The following MTURN variants were observed in gnomAD, a reference collection of about 807,000 sequenced individuals.
MTURN encodes the protein maturin.
Under a neutral mutation model 14.9 loss-of-function variants are expected in MTURN, and 7 were observed. The observed-to-expected ratio is 0.47, with a 90% confidence interval of 0.27 to 0.88. The LOEUF (loss-of-function observed/expected upper bound fraction) is 0.88. Among genes scored for constraint, MTURN ranks in the 40% least tolerant of loss-of-function variants. The pLI is 0.14. For synonymous variants in MTURN, 69 were observed against 72.5 expected (o/e 0.95, Z 0.25); for missense variants, 151 against 174.1 (o/e 0.87, Z 0.75).
intron 1 of MTURN, among the ~76,000 whole-genome samples, chr7:30,138,317 G>A (rs554636992): frequency 1.1e-4 from 17 of 152,082 alleles, no homozygotes; most frequent in South Asian, 6.2e-4. Context: ...GTTTTGTTAC[G>A]TTACTTAGGC....
At chr7:30,146,360 A>T in intron 2 of MTURN, 61 bp downstream of exon 2, 1 of 1,600,726 alleles carries the variant, frequency 6.2e-7, no homozygotes, top group Non-Finnish European at 8.5e-7. Flanking sequence ...GTTTAGAATA[A>T]CAGGGGCGGT....
chr7:30,156,449 G>C (rs955385956), intron 2 of MTURN, among the ~76,000 whole-genome samples: 1 of 152,100 alleles, frequency 6.6e-6, no homozygotes, highest in Admixed American at 6.5e-5. Context: ...AGGATTGCTT[G>C]AGTCCAGGTG....
intron 1 of MTURN, among the ~76,000 whole-genome samples, chr7:30,144,105 C>T (rs1436767650): frequency 1.3e-5 from 2 of 152,198 alleles, no homozygotes; most frequent in Non-Finnish European, 2.9e-5. Context: ...TCTCCCCCAT[C>T]CTCCTGCAGA....
At chr7:30,148,068 G>A (rs972403008) in intron 2 of MTURN, among the ~76,000 whole-genome samples, 1 of 152,180 alleles carries the variant, frequency 6.6e-6, no homozygotes, top group African/African-American at 2.4e-5. Context: ...AAGGACACAC[G>A]TAATGTCGTG....
intron 2 of MTURN, 49 bp downstream of exon 2, chr7:30,146,348 G>C: frequency 6.2e-7 from 1 of 1,608,726 alleles, no homozygotes; most frequent in Non-Finnish European, 8.5e-7. Flanking sequence ...TATGGTGATT[G>C]TGTTTAGAAT....
chr7:30,140,415 G>GTGTGTATATATATATATATATA (rs33952294), intron 1 of MTURN, among the ~76,000 whole-genome samples: 360 of 143,804 alleles, frequency 2.5e-3, no homozygotes, highest in Non-Finnish European at 3.7e-3. Flanking sequence ...GTGTGTGTGT[G>GTGTGTATATATATATATATATA]TATCCCCATT....
At chr7:30,136,858 A>G (rs1371652666) in intron 1 of MTURN, among the ~76,000 whole-genome samples, 5 of 152,182 alleles carry the variant, frequency 3.3e-5, no homozygotes, top group Non-Finnish European at 7.4e-5. Flanking sequence ...AATAGTCCCT[A>G]ACACACAGCA....
At position 30,157,635 on chromosome 7, in the gene MTURN, G is replaced by A. The variant is rs767779548; in HGVS notation, c.*87G>A. On this transcript the variant is annotated 3_prime_UTR_variant, in exon 3 of 3. Coordinates refer to ENST00000324453, the MANE Select transcript of MTURN (RefSeq NM_152793.3). ...CCTCCTGGGTTAGCATTTTGCATTAGCACTTCGAAATAGGACATCTGGCTC... is the reference window on the plus strand; with the variant it reads ...CCTCCTGGGTTAGCATTTTGCATTAACACTTCGAAATAGGACATCTGGCTC... 5 of 923,670 alleles carry A rather than the reference G, an allele frequency of 5.4e-6. No homozygotes were observed. Among genetic ancestry groups the A allele is most frequent in the African/African-American group, 1.7e-5 (1 of 58,200 alleles). 57.2% of individuals were successfully genotyped at this position (923,670 alleles called of 1,614,324 possible).
In MTURN at chr7:30,160,681, A is replaced by G. The variant is rs1419006121; in HGVS notation, c.*3133A>G. ...TCCAAAATCATGCCTTGATAACATTACAAAACCGTGATCCTGGGTTTGAGT... is the reference window on the plus strand; with the variant it reads ...TCCAAAATCATGCCTTGATAACATTGCAAAACCGTGATCCTGGGTTTGAGT... On this transcript the variant is annotated 3_prime_UTR_variant, in exon 3 of 3. Coordinates refer to ENST00000324453, the MANE Select transcript of MTURN (RefSeq NM_152793.3). 6.6e-6 allele frequency: 1 copy of G among 152,278 alleles called. No homozygotes were observed. The highest frequency in any genetic ancestry group is 1.5e-5 in the Non-Finnish European group (1 of 68,070). The allele number at this position is 152,278 out of a possible 1,614,324, so 9.4% of individuals were successfully genotyped here.
rs923182935 is a variant in MTURN, at chr7:30,162,647, G to A, written c.*5099G>A. ...CCCTTCGTTAGATGCTTCAAACAGT[G>A]TAAATCCTATACTGCACCCTGTCCA... On this transcript the variant is annotated 3_prime_UTR_variant, in exon 3 of 3. Coordinates refer to ENST00000324453, the MANE Select transcript of MTURN (RefSeq NM_152793.3). 2.0e-5 allele frequency: 3 copies of A among 152,592 alleles called. No homozygotes were observed. The highest frequency in any genetic ancestry group is 6.5e-5 in the Admixed American group (1 of 15,274). The allele number at this position is 152,592 out of a possible 1,614,324, so 9.5% of individuals were successfully genotyped here. A position where few individuals can be genotyped will look rare whatever the true frequency, so the allele number is the denominator to read the frequency against.
rs1350430302 is a variant in MTURN, at chr7:30,135,050, C to T, written c.-87C>T. 1.4e-5 allele frequency: 16 copies of T among 1,126,886 alleles called. No homozygotes were observed. The highest frequency in any genetic ancestry group is 1.8e-5 in the Non-Finnish European group (16 of 912,916). 69.8% of individuals were successfully genotyped at this position (1,126,886 alleles called of 1,614,324 possible). On this transcript the variant is annotated 5_prime_UTR_variant, in exon 1 of 3. Coordinates refer to ENST00000324453, the MANE Select transcript of MTURN (RefSeq NM_152793.3). ...CGGCCCCGGAGGAGCCCGCGCAGGC[C>T]GAGCCGAGCGCCGCGCTGCCCGCCC...
intron 1 of MTURN, among the ~76,000 whole-genome samples, chr7:30,145,480 C>A (rs1487751182): frequency 2.6e-5 from 4 of 152,148 alleles, no homozygotes; most frequent in African/African-American, 9.6e-5. Context: ...GGCAACAGAG[C>A]AAAACCCTGT....
At chr7:30,144,992 G>T (rs1797108355) in intron 1 of MTURN, among the ~76,000 whole-genome samples, 1 of 133,036 alleles carries the variant, frequency 7.5e-6, no homozygotes, top group Non-Finnish European at 1.6e-5. Flanking sequence ...CCACTAAAGA[G>T]TGATTCTTGG....
At chr7:30,137,572 G>A (rs1796983986) in intron 1 of MTURN, 3 of 470,900 alleles carry the variant, frequency 6.4e-6, no homozygotes, top group Non-Finnish European at 1.3e-5. Context: ...GATAGAGGAT[G>A]GGGGTGGGCA....
chr7:30,151,471 A>G (rs1421590203), intron 2 of MTURN, among the ~76,000 whole-genome samples: 1 of 152,184 alleles, frequency 6.6e-6, no homozygotes, highest in Non-Finnish European at 1.5e-5. Context: ...CCATCTTTTC[A>G]TGTTTTATAT....
chr7:30,153,696 G>A (rs879596222), intron 2 of MTURN, among the ~76,000 whole-genome samples: 22 of 151,876 alleles, frequency 1.4e-4, no homozygotes, highest in Non-Finnish European at 2.9e-5. Context: ...TGCATTTGCT[G>A]TGCCAAACCC....
In MTURN at chr7:30,161,585, C is replaced by G. The variant is rs1354510625; in HGVS notation, c.*4037C>G. On this transcript the variant is annotated 3_prime_UTR_variant, in exon 3 of 3. Transcript: ENST00000324453. The stretch of plus-strand genomic sequence containing the variant: ...AAATCACAAAGCAAACTTGGGTGTC[C>G]TTGGCAGCGGGGAGGAAGCAGGAGT... 1 of 152,238 alleles carries G rather than the reference C, an allele frequency of 6.6e-6. No individual in the cohort carries two copies. The highest frequency in any genetic ancestry group is 1.5e-5 in the Non-Finnish European group (1 of 68,086). The allele number at this position is 152,238 out of a possible 1,614,324, so 9.4% of individuals were successfully genotyped here.
At chr7:30,147,423 G>A (rs1453875258) in intron 2 of MTURN, among the ~76,000 whole-genome samples, 1 of 152,212 alleles carries the variant, frequency 6.6e-6, no homozygotes, top group Admixed American at 6.5e-5. Context: ...GCTCCCGGGG[G>A]TGAGAAGGCA....
rs141681755 is a variant in MTURN, at chr7:30,144,848, A to T, written c.163-1329A>T. On this transcript the variant is annotated intron_variant, in intron 1 of 2. Coordinates refer to ENST00000324453, the MANE Select transcript of MTURN (RefSeq NM_152793.3). ...TGCTTGGCATGGACCATGTCTCCAC[A>T]TAAGTCTTCTATCCTGCTATCTGGC... 5.1e-3 allele frequency among the ~76,000 whole-genome samples: 777 copies of T among 151,688 alleles called. 13 individuals carry two copies. The highest frequency in any genetic ancestry group is 5.7e-3 in the Non-Finnish European group (390 of 67,972).
Sources: gnomAD v4.1 joint callset for allele counts (sites outside exome capture counted in the v4.1 genomes callset) on GRCh38, gnomAD v4.1.1 for gene constraint, MANE v1.5 for transcripts, NCBI Gene and HGNC (gene_info 2026-07-23, HGNC 2026-07-21) for gene names.